The following PRKCZ variants were observed in gnomAD, a reference collection of about 807,000 sequenced individuals.
PRKCZ encodes the protein protein kinase C zeta.
PRKCZ carries 33 observed loss-of-function variants against 79.5 expected under a neutral mutation model. That is an observed-to-expected ratio of 0.41 (90% CI 0.31 to 0.55). The LOEUF (loss-of-function observed/expected upper bound fraction) is 0.55, where lower values mean the gene tolerates loss of function less well. Among genes scored for constraint, PRKCZ ranks in the 20% least tolerant of loss-of-function variants. PRKCZ has a pLI of 0.19. For missense variants in PRKCZ, 578 were observed against 813.5 expected, an observed-to-expected ratio of 0.71 and a Z score of 3.52; for synonymous variants, 342 against 320.9, an observed-to-expected ratio of 1.07 and a Z score of -0.70.
At chr1:2,133,400 C>G (rs1675406222) in intron 4 of PRKCZ, among the ~76,000 whole-genome samples, 1 of 151,276 alleles carries the variant, frequency 6.6e-6, no homozygotes, top group Admixed American at 6.6e-5. Flanking sequence ...TCAGCTCCAC[C>G]CCCAGCTGCG....
chr1:2,126,687 A>G (rs1024483756), intron 4 of PRKCZ, among the ~76,000 whole-genome samples: 3 of 152,192 alleles, frequency 2.0e-5, no homozygotes, highest in Non-Finnish European at 4.4e-5. Flanking sequence ...TGGTTGGGGA[A>G]TGGCATTGCG....
chr1:2,144,663 C>T, intron 6 of PRKCZ: 1 of 1,121,718 alleles, frequency 8.9e-7, no homozygotes, highest in Non-Finnish European at 1.1e-6. Flanking sequence ...CTCTTAAGGA[C>T]TGTGGAGGTG....
intron 4 of PRKCZ, among the ~76,000 whole-genome samples, chr1:2,093,586 G>A (rs923139045): frequency 1.3e-5 from 2 of 152,122 alleles, no homozygotes; most frequent in Non-Finnish European, 2.9e-5. Context: ...GTCACTGCTC[G>A]CTGCAGTGGC....
intron 3 of PRKCZ, 93 bp downstream of exon 3, chr1:2,056,666 A>G: frequency 8.7e-7 from 1 of 1,152,030 alleles, no homozygotes. Context: ...ATGGTTTAAA[A>G]TCCTATGATG....
In PRKCZ at chr1:2,127,810, A is replaced by G. The variant is rs371289415; in HGVS notation, c.335-7452A>G. Reference sequence around the variant, plus strand: ...AGGGTGCAGGTCAGTTTGTGGACCAATGGCCAACCAGGCTGAGTCAGGTGA... The same window carrying G: ...AGGGTGCAGGTCAGTTTGTGGACCAGTGGCCAACCAGGCTGAGTCAGGTGA... On this transcript the variant is annotated intron_variant, in intron 4 of 17. Transcript: ENST00000378567. The surrounding 1 kb of genome is among the most constrained non-coding windows in gnomAD (Gnocchi z 5.1). Among the ~76,000 whole-genome samples, 3 of 152,322 alleles carry G rather than the reference A, an allele frequency of 2.0e-5. No homozygotes were observed. The highest frequency in any genetic ancestry group is 3.9e-4 in the East Asian group (2 of 5,180).
chr1:2,151,511 G>A (rs954267489), intron 9 of PRKCZ, among the ~76,000 whole-genome samples: 1 of 152,254 alleles, frequency 6.6e-6, no homozygotes, highest in African/African-American at 2.4e-5. Context: ...GGTGGGACAG[G>A]AAGCTGCCCA....
At chr1:2,183,146 G>A (rs1686957597) in intron 16 of PRKCZ, among the ~76,000 whole-genome samples, 1 of 152,226 alleles carries the variant, frequency 6.6e-6, no homozygotes, top group African/African-American at 2.4e-5. Context: ...CGGGAGAATG[G>A]TGTGAACCTG....
In PRKCZ at chr1:2,172,206, C is replaced by T. The variant is rs375027503; in HGVS notation, c.1197+16C>T. 1.1e-5 allele frequency: 17 copies of T among 1,613,154 alleles called. No individual in the cohort carries two copies. Among genetic ancestry groups the T allele is most frequent in the African/African-American group, 6.7e-5 (5 of 74,940 alleles). On this transcript the variant is annotated intron_variant, in intron 12 of 17. Coordinates refer to ENST00000378567, the MANE Select transcript of PRKCZ (RefSeq NM_002744.6). This position sits in a 1 kb window ranked among gnomAD's most constrained non-coding sequence, Gnocchi z 7.8. Reference sequence around the variant, plus strand: ...CATGTGCAAGGTGCGTGCCTTGGACCGCCTCCCCTGACCATCCCGCATGTG... The same window carrying T: ...CATGTGCAAGGTGCGTGCCTTGGACTGCCTCCCCTGACCATCCCGCATGTG...
rs1452172066 is a variant in PRKCZ, at chr1:2,110,421, G to GGTCCCGTGGCA, written c.335-24839_335-24829dup. Among the ~76,000 whole-genome samples, 16 of 152,346 alleles carry GGTCCCGTGGCA rather than the reference G, an allele frequency of 1.1e-4. 1 individual carries two copies. In the South Asian group the frequency reaches 3.1e-3, roughly 30 times the overall value. On this transcript the variant is annotated intron_variant, in intron 4 of 17. Coordinates refer to ENST00000378567, the MANE Select transcript of PRKCZ (RefSeq NM_002744.6). ...CTTCATCCCCGGTCAGGGGGCTCCTGGTCCCGTGGCAGCCCCGTGGCTCCT... is the reference window on the plus strand; with the variant it reads ...CTTCATCCCCGGTCAGGGGGCTCCTGGTCCCGTGGCAGTCCCGTGGCAGCCCCGTGGCTCCT...
At chr1:2,078,329 A>C (rs940910516) in intron 4 of PRKCZ, among the ~76,000 whole-genome samples, 1 of 152,222 alleles carries the variant, frequency 6.6e-6, no homozygotes, top group African/African-American at 2.4e-5. Flanking sequence ...CACACACTTA[A>C]GGATAGTTTA....
At chr1:2,121,680 AGGG>A (rs1672041650) in intron 4 of PRKCZ, among the ~76,000 whole-genome samples, 2 of 126,706 alleles carry the variant, frequency 1.6e-5, no homozygotes, top group African/African-American at 6.4e-5. Context: ...GGTGGTGGTT[AGGG>A]TCACGGTGGT....
At chr1:2,091,984 G>A (rs192037560) in intron 4 of PRKCZ, among the ~76,000 whole-genome samples, 4 of 152,292 alleles carry the variant, frequency 2.6e-5, no homozygotes, top group Admixed American at 6.5e-5. Flanking sequence ...AATGGAAAGC[G>A]TCGTGCCAGA....
At chr1:2,093,182 C>G (rs1186582992) in intron 4 of PRKCZ, among the ~76,000 whole-genome samples, 1 of 151,646 alleles carries the variant, frequency 6.6e-6, no homozygotes, top group East Asian at 1.9e-4. Flanking sequence ...GCGAGGGCCC[C>G]ACCGGCAGAG....
At chr1:2,131,456 C>A (rs1001801261) in intron 4 of PRKCZ, among the ~76,000 whole-genome samples, 1 of 152,176 alleles carries the variant, frequency 6.6e-6, no homozygotes, top group African/African-American at 2.4e-5. Flanking sequence ...AATAAAAGTT[C>A]AAAACCAACC....
rs181288015 is a variant in PRKCZ, at chr1:2,148,773, C to T, written c.635-99C>T. ...GGCTGCTGTGTGGATTCACCCTTCA[C>T]CGTCACCCTGCAGAGGAGCAAGGTC... is the stretch of plus-strand genomic sequence containing the variant. On this transcript the variant is annotated intron_variant, in intron 7 of 17. Transcript: ENST00000378567. 4.3e-5 allele frequency: 52 copies of T among 1,214,634 alleles called. No individual in the cohort carries two copies. In the African/African-American group the frequency reaches 6.6e-4, roughly 15 times the overall value. 75.2% of individuals were successfully genotyped at this position (1,214,634 alleles called of 1,614,324 possible).
At chr1:2,088,566 G>A (rs1382895359) in intron 4 of PRKCZ, among the ~76,000 whole-genome samples, 3 of 152,206 alleles carry the variant, frequency 2.0e-5, no homozygotes, top group Non-Finnish European at 4.4e-5. Flanking sequence ...AGCGGCTTCC[G>A]GAGGTCCCAG....
Position 2,174,021 on chromosome 1 carries a change from G to T in PRKCZ, c.1405+5G>T, listed in dbSNP as rs772044884. On this transcript the variant is annotated splice_donor_5th_base_variant and intron_variant, in intron 14 of 17. Coordinates refer to ENST00000378567, the MANE Select transcript of PRKCZ (RefSeq NM_002744.6). This position sits in a 1 kb window ranked among gnomAD's most constrained non-coding sequence, Gnocchi z 6.2. Reference sequence around the variant, plus strand: ...CAGAGGACTACCTTTTCCAAGGTGCGTGCCCCGCTGTGCGTTCGTACCCCT... The same window carrying T: ...CAGAGGACTACCTTTTCCAAGGTGCTTGCCCCGCTGTGCGTTCGTACCCCT... 11 of 1,594,184 alleles carry T rather than the reference G, an allele frequency of 6.9e-6. No homozygotes were observed. The East Asian group carries it at 2.5e-4, about 36-fold the overall frequency.
chr1:2,062,392 A>G (rs547226536), intron 4 of PRKCZ, among the ~76,000 whole-genome samples: 1 of 151,738 alleles, frequency 6.6e-6, no homozygotes, highest in Admixed American at 6.6e-5. Flanking sequence ...TGACCTTTCC[A>G]AGGTTCATCC....
At position 2,173,828 on chromosome 1, in the gene PRKCZ, G is replaced by T; in HGVS notation, c.1286-69G>T. The T allele has an allele frequency of 2.0e-6, 3 of 1,508,248 alleles. No homozygotes were observed. Among genetic ancestry groups the T allele is most frequent in the Non-Finnish European group, 2.7e-6 (3 of 1,123,868 alleles). The allele number at this position is 1,508,248 out of a possible 1,614,324, so 93.4% of individuals were successfully genotyped here. On this transcript the variant is annotated intron_variant, in intron 13 of 17. Coordinates refer to ENST00000378567, the MANE Select transcript of PRKCZ (RefSeq NM_002744.6). This position sits in a 1 kb window ranked among gnomAD's most constrained non-coding sequence, Gnocchi z 5.7. ...GTGTCAACTGGGCATGAAAACCAACGCCAGCCAGGTTCGTCCTGCTGCCGG... is the reference window on the plus strand; with the variant it reads ...GTGTCAACTGGGCATGAAAACCAACTCCAGCCAGGTTCGTCCTGCTGCCGG...
Sources: allele counts gnomAD v4.1 joint callset (sites outside exome capture counted in the v4.1 genomes callset), GRCh38; gene constraint gnomAD v4.1.1; non-coding constraint Gnocchi (gnomAD v3.1); transcripts MANE v1.5; gene names NCBI Gene and HGNC (gene_info 2026-07-23, HGNC 2026-07-21).